Variants in BMPER observed in about 807,000 individuals in gnomAD.
BMPER encodes BMP-binding endothelial regulator protein.
In BMPER, 45 loss-of-function variants were observed where a neutral mutation model predicts 87.3. The observed-to-expected ratio is 0.52, with a 90% CI of 0.41 to 0.66. The LOEUF (loss-of-function observed/expected upper bound fraction) is 0.66, where lower values mean the gene tolerates loss of function less well. Ranked by LOEUF, BMPER falls within the 30% of genes least tolerant of loss-of-function variation. The pLI is 0.00. For synonymous variants in BMPER, 326 were observed against 316.2 expected, an observed-to-expected ratio of 1.03 and a Z score of -0.33; for missense variants, 784 against 867.5, an observed-to-expected ratio of 0.90 and a Z score of 1.21.
At chr7:34,005,948 T>G (rs1585729791) in intron 6 of BMPER, among the ~76,000 whole-genome samples, 2 of 152,188 alleles carry the variant, frequency 1.3e-5, no homozygotes, top group East Asian at 3.9e-4. Flanking sequence ...ACTAGGTCAA[T>G]GGATATTAAT....
At chr7:34,060,231 C>T (rs989425372) in intron 10 of BMPER, among the ~76,000 whole-genome samples, 3 of 150,696 alleles carry the variant, frequency 2.0e-5, no homozygotes, top group Non-Finnish European at 4.4e-5. Context: ...TTTCTGAAGA[C>T]GAGAGATGGA....
chr7:33,932,944 G>A (rs1470061888), intron 2 of BMPER, among the ~76,000 whole-genome samples: 2 of 152,126 alleles, frequency 1.3e-5, no homozygotes, highest in Non-Finnish European at 2.9e-5. Context: ...TCCGCCCTAC[G>A]CTCATGGGAG....
Position 33,944,205 on chromosome 7 carries a change from G to A in BMPER, c.319+6817G>A, listed in dbSNP as rs147454064. 8.1e-3 allele frequency among the ~76,000 whole-genome samples: 1,229 copies of A among 151,468 alleles called. 20 individuals are homozygous for A. Among genetic ancestry groups the A allele is most frequent in the African/African-American group, 0.027 (1,127 of 41,240 alleles). ...TTATTGAGACAGGTCTCGCTCTGTC[G>A]CCCAGGCTGGAGTGCAGTAGTGTGA... On this transcript the variant is annotated intron_variant, in intron 3 of 14. Transcript: ENST00000649409.
intron 6 of BMPER, among the ~76,000 whole-genome samples, chr7:34,024,384 A>AAAAATAT (rs1562695193): frequency 4.3e-5 from 1 of 23,430 alleles, no homozygotes; most frequent in Non-Finnish European, 6.7e-5. Flanking sequence ...AAAAAAAAAC[A>AAAAATAT]ATATATATAT....
At position 34,010,048 on chromosome 7, in the gene BMPER, A is replaced by C. The variant is rs191132836; in HGVS notation, c.576+35264A>C. ...TAAACAATTACTTCTAGCTCCAAATACTTTTATTTATCCACTATCCCTCAT... is the reference window on the plus strand; with the variant it reads ...TAAACAATTACTTCTAGCTCCAAATCCTTTTATTTATCCACTATCCCTCAT... On this transcript the variant is annotated intron_variant, in intron 6 of 14. Transcript: ENST00000649409. Among the ~76,000 whole-genome samples, 10 of 151,986 alleles carry C rather than the reference A, an allele frequency of 6.6e-5. No individual in the cohort carries two copies. The East Asian group carries it at 1.9e-3, about 30-fold the overall frequency.
Position 33,943,715 on chromosome 7 carries a change from T to G in BMPER, c.319+6327T>G, listed in dbSNP as rs548547889. Among the ~76,000 whole-genome samples, 3 of 152,364 alleles carry G rather than the reference T, an allele frequency of 2.0e-5. No individual in the cohort carries two copies. In the East Asian group the frequency reaches 5.8e-4, roughly 29 times the overall value. On this transcript the variant is annotated intron_variant, in intron 3 of 14. Coordinates refer to ENST00000649409, the MANE Select transcript of BMPER (RefSeq NM_001365308.1). ...CGTAAAAGATGATAGGGAAAGCTGG[T>G]GTCACACGTGGCAAAATTTAGACCT...
intron 6 of BMPER, among the ~76,000 whole-genome samples, chr7:33,998,655 G>C (rs748154760): frequency 6.6e-6 from 1 of 152,326 alleles, no homozygotes; most frequent in Middle Eastern, 3.4e-3. Context: ...TTGTGAACAA[G>C]AACACAGGGT....
intron 10 of BMPER, 134 bp downstream of exon 10, chr7:34,058,297 C>T (rs930845171): frequency 1.2e-6 from 1 of 840,014 alleles, no homozygotes; most frequent in East Asian, 2.7e-5. Flanking sequence ...AGTCAAATGC[C>T]TCTTGCAAAG....
At chr7:33,992,732 G>A (rs1786261794) in intron 6 of BMPER, among the ~76,000 whole-genome samples, 1 of 149,798 alleles carries the variant, frequency 6.7e-6, no homozygotes, top group Admixed American at 6.7e-5. Flanking sequence ...TTACATTTTG[G>A]CATGATTTTG....
chr7:34,128,505 A>T (rs942000623), intron 13 of BMPER, among the ~76,000 whole-genome samples: 2 of 152,208 alleles, frequency 1.3e-5, no homozygotes, highest in Admixed American at 6.5e-5. Context: ...AAGGAAAATA[A>T]TGTTTGCGCT....
chr7:33,997,555 T>G (rs535559065), intron 6 of BMPER, among the ~76,000 whole-genome samples: 6 of 152,238 alleles, frequency 3.9e-5, no homozygotes, highest in Non-Finnish European at 8.8e-5. Flanking sequence ...CTGCCATGAT[T>G]GTAGGTTTCC....
intron 13 of BMPER, among the ~76,000 whole-genome samples, chr7:34,129,614 GAGAGAGAGAGAAAGAGAGAAAGAA>G (rs1790510119): frequency 9.0e-4 from 44 of 48,844 alleles, no homozygotes; most frequent in South Asian, 8.6e-3. Context: ...GAGAGAAAGA[GAGAGAGAGAGAAAGAGAGAAAGAA>G]AGAAAGAAAG....
intron 11 of BMPER, among the ~76,000 whole-genome samples, chr7:34,066,282 T>C (rs544784590): frequency 1.4e-4 from 21 of 152,312 alleles, no homozygotes; most frequent in African/African-American, 5.1e-4. Flanking sequence ...ACAGTTTTTG[T>C]AGGGTTGGCC....
At chr7:33,988,913 A>T (rs1367821124) in intron 6 of BMPER, among the ~76,000 whole-genome samples, 1 of 127,562 alleles carries the variant, frequency 7.8e-6, no homozygotes, top group Non-Finnish European at 1.6e-5. Flanking sequence ...ATGATTTCCA[A>T]TTTCATCCAT....
chr7:34,103,160 A>T (rs1306104965), intron 13 of BMPER, among the ~76,000 whole-genome samples: 1 of 152,160 alleles, frequency 6.6e-6, no homozygotes, highest in African/African-American at 2.4e-5. Context: ...GGAAGAAGAG[A>T]AACTCCTAGG....
chr7:34,015,702 A>G (rs560335166), intron 6 of BMPER, among the ~76,000 whole-genome samples: 3 of 152,042 alleles, frequency 2.0e-5, no homozygotes, highest in African/African-American at 7.2e-5. Context: ...TTGTCTGCTA[A>G]TTCTGTCCAG....
rs1034262098 is a variant in BMPER, at chr7:34,154,421, C to T, written c.*1148C>T. ...TCAGTTGAATTGGTGAAAACATCAA[C>T]AAAAACAAAACCCACTGTGTCTTAA... On this transcript the variant is annotated 3_prime_UTR_variant, in exon 15 of 15. Coordinates refer to ENST00000649409, the MANE Select transcript of BMPER (RefSeq NM_001365308.1). The T allele has an allele frequency of 6.6e-6, 1 of 152,122 alleles. No individual in the cohort carries two copies. Among genetic ancestry groups the T allele is most frequent in the Non-Finnish European group, 1.5e-5 (1 of 68,006 alleles). The allele number at this position is 152,122 out of a possible 1,614,324, so 9.4% of individuals were successfully genotyped here.
chr7:34,086,143 CTT>C (rs1789201948), intron 13 of BMPER, 51 bp downstream of exon 13: 1 of 1,573,132 alleles, frequency 6.4e-7, no homozygotes, highest in Non-Finnish European at 8.7e-7. Flanking sequence ...CAATAATAGA[CTT>C]GACCTTGGAA....
chr7:34,057,559 C>G (rs930419799), intron 9 of BMPER, among the ~76,000 whole-genome samples: 3 of 152,144 alleles, frequency 2.0e-5, no homozygotes, highest in Non-Finnish European at 4.4e-5. Context: ...TTTGAATTAG[C>G]CTGTCTTCTA....
Sources: allele counts gnomAD v4.1 joint callset (sites outside exome capture counted in the v4.1 genomes callset), GRCh38; gene constraint gnomAD v4.1.1; transcripts MANE v1.5; gene names NCBI Gene and HGNC (gene_info 2026-07-23, HGNC 2026-07-21).